The following C6orf118 variants were observed in gnomAD, a reference collection of about 807,000 sequenced individuals.
C6orf118 encodes the protein chromosome 6 open reading frame 118, also known as uncharacterized protein C6orf118.
Under a neutral mutation model 50.2 loss-of-function variants are expected in C6orf118, and 50 were observed. The observed-to-expected ratio is 1.00, with a 90% confidence interval of 0.79 to 1.26. The LOEUF (loss-of-function observed/expected upper bound fraction) is 1.26, where lower values mean the gene tolerates loss of function less well. Ranked by LOEUF, C6orf118 falls within the 50% of genes most tolerant of loss-of-function variation. The probability of loss-of-function intolerance (pLI) is 0.00; values close to 1 mark genes in which losing one functional copy is unlikely to be tolerated. For synonymous variants in C6orf118, 239 were observed against 230.9 expected (o/e 1.03, Z -0.32); for missense variants, 641 against 578.7 (o/e 1.11, Z -1.10).
At chr6:165,285,605 T>C (rs549043878) in intron 7 of C6orf118, among the ~76,000 whole-genome samples, 1 of 152,114 alleles carries the variant, frequency 6.6e-6, no homozygotes, top group South Asian at 2.1e-4. Context: ...GCAATCAAAT[T>C]AGAACTCAAG....
chr6:165,303,292 A>T (rs185030457), intron 1 of C6orf118, among the ~76,000 whole-genome samples: 153 of 152,210 alleles, frequency 1.0e-3, no homozygotes, highest in African/African-American at 3.4e-3. Context: ...GACACCACAT[A>T]CCAGAATCTC....
chr6:165,298,026 G>C lies in C6orf118; in HGVS notation c.1012C>G (p.Leu338Val), dbSNP rs534019239. 28 of 1,613,936 alleles carry C rather than the reference G, an allele frequency of 1.7e-5. No individual in the cohort carries two copies. Among genetic ancestry groups the C allele is most frequent in the Middle Eastern group, 1.7e-4 (1 of 6,060 alleles). Residue 338 changes from leucine to valine, a missense_variant, in exon 5 of 9, where the codon CTG (leucine) becomes GTG (valine). Leu to Val is a conservative substitution (Grantham distance 32, BLOSUM62 1). Transcript: ENST00000230301. ...TADMDLAREELRMLVTATKAA... is the reference protein window; with the variant it reads ...TADMDLAREEVRMLVTATKAA... The stretch of plus-strand genomic sequence containing the variant: ...TTTGTGGCTGTCACGAGCATCCTCA[G>C]CTCTTCCCTGGCGAGATCCATGTCC...
intron 5 of C6orf118, among the ~76,000 whole-genome samples, chr6:165,295,463 A>G (rs1471002457): frequency 6.6e-6 from 1 of 152,154 alleles, no homozygotes; most frequent in Non-Finnish European, 1.5e-5. Context: ...GACTTTCATC[A>G]GGTAAATCAT....
Position 165,301,754 on chromosome 6 carries a change from C to T in C6orf118, c.568G>A (p.Ala190Thr). 2 of 1,614,106 alleles carry T rather than the reference C, an allele frequency of 1.2e-6. No homozygotes were observed. Among genetic ancestry groups the T allele is most frequent in the Non-Finnish European group, 1.7e-6 (2 of 1,180,030 alleles). The change falls in exon 2 of 9, where the codon GCC becomes ACC. Residue 190 changes from alanine to threonine, a missense_variant. Coordinates refer to ENST00000230301, the MANE Select transcript of C6orf118 (RefSeq NM_144980.4). ...PDLKVLCYQE[A>T]GSRGTRDRHH... The stretch of plus-strand genomic sequence containing the variant: ...CGGTCCCTGGTGCCTCTGGACCCGG[C>T]CTCCTGGTAGCACAGCACCTTCAAG...
In C6orf118 at chr6:165,286,053, G is replaced by C. The variant is rs140559881; in HGVS notation, c.1302+3833C>G. Among the ~76,000 whole-genome samples the C allele has an allele frequency of 8.2e-4, 125 of 151,616 alleles. 1 individual carries two copies. Among genetic ancestry groups the C allele is most frequent in the African/African-American group, 2.9e-3 (118 of 41,350 alleles). On this transcript the variant is annotated intron_variant, in intron 7 of 8. Coordinates refer to ENST00000230301, the MANE Select transcript of C6orf118 (RefSeq NM_144980.4). Reference sequence around the variant, plus strand: ...CTAGCTAGATTAATAAAGAAGAAAAGAGAGAAGAATCAAACAGACAAAATA... The same window carrying C: ...CTAGCTAGATTAATAAAGAAGAAAACAGAGAAGAATCAAACAGACAAAATA...
At position 165,299,093 on chromosome 6, in the gene C6orf118, C is replaced by T. The variant is rs192369285; in HGVS notation, c.936+350G>A. The stretch of plus-strand genomic sequence containing the variant: ...AGATCATGGGGTTTGAGTCAGCTTA[C>T]AGCACACCAGCCATCACAATGCATT... On this transcript the variant is annotated intron_variant, in intron 4 of 8. Transcript: ENST00000230301. Among the ~76,000 whole-genome samples, 1,039 of 152,308 alleles carry T rather than the reference C, an allele frequency of 6.8e-3. 23 individuals carry two copies. The highest frequency in any genetic ancestry group is 0.036 in the Admixed American group (556 of 15,306).
chr6:165,308,603 T>A (rs1453095227), intron 1 of C6orf118, among the ~76,000 whole-genome samples: 1 of 152,110 alleles, frequency 6.6e-6, no homozygotes, highest in Non-Finnish European at 1.5e-5. Context: ...GCTCTTTGTA[T>A]ACAAAGAAGA....
In C6orf118 at chr6:165,290,077, T is replaced by G. The variant is rs1780056305; in HGVS notation, c.1121-10A>C. Reference sequence around the variant, plus strand: ...TGTTTCTCAGATGATTCTGGAAATATTTTTTAAAACAAAGTATTACCATGT... The same window carrying G: ...TGTTTCTCAGATGATTCTGGAAATAGTTTTTAAAACAAAGTATTACCATGT... On this transcript the variant is annotated splice_polypyrimidine_tract_variant and intron_variant, in intron 6 of 8. Transcript: ENST00000230301. The G allele has an allele frequency of 6.5e-7, 1 of 1,546,272 alleles. No homozygotes were observed. The highest frequency in any genetic ancestry group is 1.4e-5 in the African/African-American group (1 of 72,580).
At chr6:165,301,365 GCACTGCACCGAGAA>G (rs1429364618) in intron 2 of C6orf118, among the ~76,000 whole-genome samples, 190 bp downstream of exon 2, 2 of 149,548 alleles carry the variant, frequency 1.3e-5, no homozygotes, top group Admixed American at 6.7e-5. Flanking sequence ...TGCACCAAGA[GCACTGCACCGAGAA>G]CACTGCACCG....
intron 3 of C6orf118, 81 bp from the exon 4 acceptor site, chr6:165,299,583 G>A (rs1271597845): frequency 2.7e-5 from 29 of 1,059,368 alleles, no homozygotes; most frequent in Non-Finnish European, 4.2e-5. Context: ...AAATAATACG[G>A]AAGTCAAGAA....
chr6:165,298,098 G>C lies in C6orf118; in HGVS notation c.940C>G (p.Leu314Val). ...ESQPAAQYEA[L>V]LAQLKALGQR... ...CCCAGCGCCTTGAGTTGAGCCAGAA[G>C]AGCCTAGGCAGGACCAGGTACATGA... The change falls in exon 5 of 9, where the codon CTT (leucine) becomes GTT (valine). Residue 314 changes from leucine (L) to valine (V), a missense_variant. Leu to Val is a conservative substitution (Grantham distance 32). Transcript: ENST00000230301. The C allele has an allele frequency of 6.3e-7, 1 of 1,596,872 alleles. No homozygotes were observed.
chr6:165,279,844 T>G lies in C6orf118; in HGVS notation c.*213A>C, dbSNP rs1779669271. 2.3e-6 allele frequency: 1 copy of G among 439,756 alleles called. No homozygotes were observed. Among genetic ancestry groups the G allele is most frequent in the Non-Finnish European group, 4.0e-6 (1 of 252,816 alleles). The allele number at this position is 439,756 out of a possible 1,614,324, so 27.2% of individuals were successfully genotyped here. On this transcript the variant is annotated 3_prime_UTR_variant, in exon 9 of 9. Coordinates refer to ENST00000230301, the MANE Select transcript of C6orf118 (RefSeq NM_144980.4). ...AAACATACGTTAAGAACTAGTATTG[T>G]TGTAAATATGTATGCAACAGAAACT...
intron 1 of C6orf118, among the ~76,000 whole-genome samples, chr6:165,306,648 T>G (rs1780748121): frequency 6.6e-6 from 1 of 151,782 alleles, no homozygotes. Context: ...AAAGGCACCT[T>G]GTACCAACTC....
At chr6:165,283,297 G>A (rs1330479754) in intron 7 of C6orf118, among the ~76,000 whole-genome samples, 1 of 152,202 alleles carries the variant, frequency 6.6e-6, no homozygotes, top group African/African-American at 2.4e-5. Flanking sequence ...CCCTGCCCAG[G>A]AAACCATGCT....
intron 7 of C6orf118, among the ~76,000 whole-genome samples, chr6:165,289,187 A>G (rs1340789629): frequency 1.3e-5 from 2 of 151,280 alleles, no homozygotes; most frequent in African/African-American, 2.4e-5. Flanking sequence ...AAAAAAAAAG[A>G]AAAAGAAAAA....
rs975670912 is a variant in C6orf118, at chr6:165,300,616, G to A, written c.754-130C>T. On this transcript the variant is annotated intron_variant, in intron 2 of 8. Transcript: ENST00000230301. ...GTGGGCGGGGCGGCACAGGGGGCCA[G>A]TCTCGGGGGTTCTGATCCCTCCCAC... 56 of 713,052 alleles carry A rather than the reference G, an allele frequency of 7.9e-5. No homozygotes were observed. The African/African-American group carries it at 9.2e-4, about 12-fold the overall frequency. 44.2% of individuals were successfully genotyped at this position (713,052 alleles called of 1,614,324 possible).
At chr6:165,299,581 C>A in intron 3 of C6orf118, 79 bp from the exon 4 acceptor site, 3 of 1,091,694 alleles carry the variant, frequency 2.7e-6, no homozygotes, top group South Asian at 2.7e-5. Flanking sequence ...ATAAATAATA[C>A]GGAAGTCAAG....
In C6orf118 at chr6:165,290,885, T is replaced by TA. The variant is rs1283770970; in HGVS notation, c.1121-819dup. On this transcript the variant is annotated intron_variant, in intron 6 of 8. Transcript: ENST00000230301. Reference sequence around the variant, plus strand: ...CAAACAAAAGAGATTTAATTGGACTTACAGTTCCATGTGGCTGGGGAAGCC... The same window carrying TA: ...CAAACAAAAGAGATTTAATTGGACTTAACAGTTCCATGTGGCTGGGGAAGCC... 2.6e-5 allele frequency among the ~76,000 whole-genome samples: 4 copies of TA among 152,324 alleles called. 1 individual carries two copies. The highest frequency in any genetic ancestry group is 2.6e-4 in the Admixed American group (4 of 15,300).
intron 7 of C6orf118, among the ~76,000 whole-genome samples, chr6:165,288,846 G>C (rs985983514): frequency 6.6e-6 from 1 of 152,004 alleles, no homozygotes; most frequent in African/African-American, 2.4e-5. Flanking sequence ...TTAATCCCTA[G>C]GTGATAGGAT....
Sources: allele counts gnomAD v4.1 joint callset (sites outside exome capture counted in the v4.1 genomes callset), GRCh38; gene constraint gnomAD v4.1.1; transcripts MANE v1.5; gene names NCBI Gene and HGNC (gene_info 2026-07-23, HGNC 2026-07-21).